CHD2: variants seen among roughly 807,000 people sequenced by gnomAD.
The protein encoded by CHD2 is chromodomain helicase DNA binding protein 2, also known as ATP-dependent chromatin remodeler CHD2.
A neutral mutation model predicts 243.9 loss-of-function variants in CHD2; 28 were observed. The ratio of observed to expected loss-of-function variants is 0.11; its 90% confidence interval spans 0.09 to 0.16. CHD2 has a LOEUF of 0.16. Ranked by LOEUF, CHD2 falls within the 10% of genes least tolerant of loss-of-function variation. The pLI is 1.00. For synonymous variants in CHD2, 775 were observed against 779.0 expected (o/e 0.99, Z 0.09); for missense variants, 1,386 against 2,209.8 (o/e 0.63, Z 7.47).
At chr15:92,932,457 T>C (rs1243373825) in intron 5 of CHD2, among the ~76,000 whole-genome samples, 6 of 77,554 alleles carry the variant, frequency 7.7e-5, no homozygotes, top group Admixed American at 6.0e-4. Flanking sequence ...CCCCACCCCA[T>C]GACAGGCCAC....
intron 20 of CHD2, among the ~76,000 whole-genome samples, chr15:92,977,831 AACTG>A (rs1175033336): frequency 6.6e-6 from 1 of 152,252 alleles, no homozygotes; most frequent in Non-Finnish European, 1.5e-5. Flanking sequence ...TGTTTATACT[AACTG>A]ACTTACATGG....
rs1414544236 is a variant in CHD2, at chr15:92,996,804, A to G, written c.3596-153A>G. On this transcript the variant is annotated intron_variant, in intron 28 of 38. Coordinates refer to ENST00000394196, the MANE Select transcript of CHD2 (RefSeq NM_001271.4). ...GAGGTTATTTTACAGACATTAGTTG[A>G]GAAAAAAATTTGTCTTATAGATTAT... The G allele has an allele frequency of 4.5e-6, 3 of 663,894 alleles. No homozygotes were observed. In the Admixed American group the frequency reaches 1.1e-4, roughly 24 times the overall value. The allele number at this position is 663,894 out of a possible 1,614,324, so 41.1% of individuals were successfully genotyped here.
At chr15:92,905,925 C>T (rs776888810) in intron 2 of CHD2, among the ~76,000 whole-genome samples, 4 of 152,096 alleles carry the variant, frequency 2.6e-5, no homozygotes, top group African/African-American at 7.2e-5. Flanking sequence ...AGACTGAATT[C>T]TAATTAGTTG....
intron 6 of CHD2, 77 bp downstream of exon 6, chr15:92,937,702 A>T (rs1277803794): frequency 9.2e-7 from 1 of 1,082,534 alleles, no homozygotes; most frequent in East Asian, 2.4e-5. Flanking sequence ...GTCGTGCTGA[A>T]ATGAGAGCTT....
At chr15:92,908,003 A>ATT (rs71877681) in intron 2 of CHD2, among the ~76,000 whole-genome samples, 3,901 of 107,488 alleles carry the variant, frequency 0.036, 103 homozygotes, top group East Asian at 0.056. Context: ...CTCTCTTAGA[A>ATT]TTTTTTTTTT....
At chr15:92,913,493 C>A (rs2052779430) in intron 2 of CHD2, among the ~76,000 whole-genome samples, 1 of 152,104 alleles carries the variant, frequency 6.6e-6, no homozygotes, top group Non-Finnish European at 1.5e-5. Context: ...AGAGATGCTC[C>A]CCAACATCCA....
chr15:92,940,416 C>T (rs2053341127), intron 7 of CHD2, among the ~76,000 whole-genome samples: 1 of 151,810 alleles, frequency 6.6e-6, no homozygotes, highest in South Asian at 2.1e-4. Flanking sequence ...CACTGCACTC[C>T]ACTCCAGGCA....
At chr15:92,947,973 C>T (rs1481079421) in intron 12 of CHD2, among the ~76,000 whole-genome samples, 4 of 152,186 alleles carry the variant, frequency 2.6e-5, no homozygotes, top group South Asian at 2.1e-4. Context: ...GAATGAATTT[C>T]TCCTGTAAAT....
intron 2 of CHD2, among the ~76,000 whole-genome samples, chr15:92,916,301 A>G (rs1285743858): frequency 6.6e-6 from 1 of 152,232 alleles, no homozygotes; most frequent in Non-Finnish European, 1.5e-5. Context: ...TAAACTTTCT[A>G]AATTGATTGA....
chr15:93,019,077 G>T (rs2054497983), intron 37 of CHD2, among the ~76,000 whole-genome samples: 1 of 152,176 alleles, frequency 6.6e-6, no homozygotes, highest in Non-Finnish European at 1.5e-5. Context: ...TTGTAGTTTG[G>T]CCTTAATCCG....
Position 93,000,651 on chromosome 15 carries a change from G to C in CHD2, c.4137+11G>C, listed in dbSNP as rs1035736825. The C allele has an allele frequency of 6.2e-7, 1 of 1,604,502 alleles. No homozygotes were observed. The highest frequency in any genetic ancestry group is 1.7e-5 in the Admixed American group (1 of 57,462). Reference sequence around the variant, plus strand: ...GAGGGAGAAGTGAAAGTATGAAGTGGGGTTTCGGTTGAGGGTTATTTATTT... The same window carrying C: ...GAGGGAGAAGTGAAAGTATGAAGTGCGGTTTCGGTTGAGGGTTATTTATTT... On this transcript the variant is annotated intron_variant, in intron 32 of 38. Coordinates refer to ENST00000394196, the MANE Select transcript of CHD2 (RefSeq NM_001271.4).
chr15:92,904,403 G>A, intron 2 of CHD2: 1 of 963,176 alleles, frequency 1.0e-6, no homozygotes, highest in Non-Finnish European at 1.2e-6. Context: ...GGCTCCCCTG[G>A]GGGGCGGGGA....
chr15:92,902,469 C>T lies in CHD2; in HGVS notation c.62+1170C>T, dbSNP rs1243137123. ...ACTTTTCTAATTTTTATAAATAATACACTTTTCTATTAGGCTAGTGAATTT... is the reference window on the plus strand; with the variant it reads ...ACTTTTCTAATTTTTATAAATAATATACTTTTCTATTAGGCTAGTGAATTT... On this transcript the variant is annotated intron_variant, in intron 2 of 38. Transcript: ENST00000394196. 9 of 292,372 alleles carry T rather than the reference C, an allele frequency of 3.1e-5. No individual in the cohort carries two copies. In the Admixed American group the frequency reaches 3.5e-4, roughly 12 times the overall value. The allele number at this position is 292,372 out of a possible 1,614,324, so 18.1% of individuals were successfully genotyped here.
At chr15:92,913,366 ATACTTC>A (rs1478206121) in intron 2 of CHD2, among the ~76,000 whole-genome samples, 1 of 152,132 alleles carries the variant, frequency 6.6e-6, no homozygotes, top group African/African-American at 2.4e-5. Flanking sequence ...AAATAAAATG[ATACTTC>A]TAGGCAGTGG....
chr15:92,904,135 T>C (rs919275975), intron 2 of CHD2, among the ~76,000 whole-genome samples: 1 of 152,224 alleles, frequency 6.6e-6, no homozygotes, highest in African/African-American at 2.4e-5. Flanking sequence ...GGCAGTTCGA[T>C]AGGGCACGCA....
intron 17 of CHD2, among the ~76,000 whole-genome samples, chr15:92,971,482 G>A (rs1419260480): frequency 2.0e-5 from 3 of 152,184 alleles, no homozygotes; most frequent in Non-Finnish European, 2.9e-5. Context: ...AAGCATATGT[G>A]TGTGTTGTGT....
intron 35 of CHD2, among the ~76,000 whole-genome samples, chr15:93,009,648 C>T (rs993678535): frequency 1.3e-5 from 2 of 152,206 alleles, no homozygotes; most frequent in Non-Finnish European, 1.5e-5. Flanking sequence ...AACTACTTTA[C>T]CCATCTCAGG....
intron 2 of CHD2, among the ~76,000 whole-genome samples, chr15:92,918,763 A>C (rs947928761): frequency 2.0e-5 from 3 of 151,682 alleles, no homozygotes; most frequent in Non-Finnish European, 2.9e-5. Flanking sequence ...GAATAATATG[A>C]ATATATATAT....
chr15:93,000,294 C>T (rs541918098), intron 31 of CHD2, among the ~76,000 whole-genome samples: 2 of 152,106 alleles, frequency 1.3e-5, no homozygotes, highest in East Asian at 3.9e-4. Context: ...GGAATATGGA[C>T]ATTTTAATGT....
Sources: gnomAD v4.1 joint callset for allele counts (sites outside exome capture counted in the v4.1 genomes callset) on GRCh38, gnomAD v4.1.1 for gene constraint, MANE v1.5 for transcripts, NCBI Gene and HGNC (gene_info 2026-07-23, HGNC 2026-07-21) for gene names.